Variants in PALLD observed in about 807,000 individuals in gnomAD.
PALLD encodes the protein palladin.
A neutral mutation model predicts 123.5 loss-of-function variants in PALLD; 61 were observed. The observed-to-expected ratio is 0.49, with a 90% confidence interval of 0.40 to 0.61. PALLD has a LOEUF of 0.61. Among genes scored for constraint, PALLD ranks in the 20% least tolerant of loss-of-function variants. PALLD has a pLI of 0.00. For missense variants in PALLD, 1,273 were observed against 1,377.0 expected (o/e 0.92, Z 1.20); for synonymous variants, 465 against 496.4 (o/e 0.94, Z 0.84).
intron 2 of PALLD, among the ~76,000 whole-genome samples, chr4:168,618,790 C>T (rs1774470023): frequency 6.6e-6 from 1 of 152,206 alleles, no homozygotes; most frequent in Non-Finnish European, 1.5e-5. Context: ...AAAATACTGA[C>T]TGCTATCAAA....
chr4:168,710,248 A>G (rs1784704487), intron 9 of PALLD, among the ~76,000 whole-genome samples: 1 of 152,092 alleles, frequency 6.6e-6, no homozygotes, highest in Admixed American at 6.6e-5. Flanking sequence ...ACTTACCACT[A>G]GGGAAGGCAA....
intron 2 of PALLD, among the ~76,000 whole-genome samples, chr4:168,591,390 C>T (rs1771416693): frequency 6.6e-6 from 1 of 152,170 alleles, no homozygotes; most frequent in Non-Finnish European, 1.5e-5. Flanking sequence ...TAAGTGGGTC[C>T]TTATCCTCCC....
intron 8 of PALLD, among the ~76,000 whole-genome samples, chr4:168,705,611 T>G (rs1250498184): frequency 6.6e-6 from 1 of 152,196 alleles, no homozygotes; most frequent in Non-Finnish European, 1.5e-5. Flanking sequence ...CCCATCACAG[T>G]GTTTTACTTA....
At chr4:168,622,698 A>C (rs1774879441) in intron 2 of PALLD, among the ~76,000 whole-genome samples, 1 of 152,184 alleles carries the variant, frequency 6.6e-6, no homozygotes, top group African/African-American at 2.4e-5. Context: ...TTATTACATA[A>C]CCACTTTATG....
intron 6 of PALLD, among the ~76,000 whole-genome samples, chr4:168,685,908 A>G (rs915498378): frequency 6.6e-6 from 1 of 150,868 alleles, no homozygotes; most frequent in Non-Finnish European, 1.5e-5. Flanking sequence ...CTAATTTTCC[A>G]TTTGTCCTGA....
chr4:168,840,114 T>TAA (rs199853082), intron 10 of PALLD, among the ~76,000 whole-genome samples: 3 of 151,886 alleles, frequency 2.0e-5, no homozygotes, highest in African/African-American at 7.3e-5. Context: ...AGATTTTTTT[T>TAA]AAAAAAAATC....
chr4:168,873,660 C>A (rs577147408), intron 10 of PALLD, among the ~76,000 whole-genome samples: 1 of 152,182 alleles, frequency 6.6e-6, no homozygotes, highest in Non-Finnish European at 1.5e-5. Context: ...TTTTAACAAA[C>A]GTTTTTTGTT....
At chr4:168,904,597 T>C (rs1430912605) in intron 15 of PALLD, among the ~76,000 whole-genome samples, 1 of 152,156 alleles carries the variant, frequency 6.6e-6, no homozygotes, top group Non-Finnish European at 1.5e-5. Flanking sequence ...AAAAAGTTAT[T>C]TTGTACCTTA....
intron 2 of PALLD, among the ~76,000 whole-genome samples, chr4:168,515,876 A>G (rs1762942952): frequency 1.3e-5 from 1 of 76,316 alleles, no homozygotes; most frequent in African/African-American, 4.2e-5. Context: ...TAGATTAAAC[A>G]ACAGAGATTG....
chr4:168,618,902 A>G (rs1481092691), intron 2 of PALLD, among the ~76,000 whole-genome samples: 2 of 152,186 alleles, frequency 1.3e-5, no homozygotes, highest in East Asian at 3.9e-4. Flanking sequence ...TTTCTTCCAC[A>G]TGGATCCTCT....
intron 11 of PALLD, among the ~76,000 whole-genome samples, chr4:168,892,926 T>C (rs1019358106): frequency 6.6e-6 from 1 of 152,174 alleles, no homozygotes; most frequent in African/African-American, 2.4e-5. Flanking sequence ...AAATGACAAG[T>C]AAGGTTTCCC....
intron 14 of PALLD, among the ~76,000 whole-genome samples, chr4:168,902,466 T>G (rs1756730338): frequency 6.6e-6 from 1 of 152,152 alleles, no homozygotes; most frequent in Admixed American, 6.5e-5. Flanking sequence ...GTGTTGTTCA[T>G]AACTTAAATC....
At chr4:168,728,479 G>A (rs968079501) in intron 10 of PALLD, among the ~76,000 whole-genome samples, 2 of 152,106 alleles carry the variant, frequency 1.3e-5, no homozygotes, top group African/African-American at 4.8e-5. Flanking sequence ...AAATTGGATT[G>A]TGTTCTTGAT....
rs367844351 is a variant in PALLD, at chr4:168,542,252, C to T, written c.908+29840C>T. ...TCTGGGATCTGTGGTTTTATGGTAA[C>T]TAAAACCGCCACTCATGGCTAGACA... On this transcript the variant is annotated intron_variant, in intron 2 of 21. Transcript: ENST00000505667. 5.3e-5 allele frequency among the ~76,000 whole-genome samples: 8 copies of T among 152,042 alleles called. 1 individual carries two copies. In the East Asian group the frequency reaches 1.4e-3, roughly 26 times the overall value.
chr4:168,809,322 CTTCTTCTTCT>C (rs991427404), intron 10 of PALLD, among the ~76,000 whole-genome samples: 2 of 22,646 alleles, frequency 8.8e-5, no homozygotes, highest in African/African-American at 2.2e-4. Flanking sequence ...ATAAATCCTT[CTTCTTCTTCT>C]TCTTCTTCTT....
At chr4:168,513,216 G>C (rs1762690144) in intron 2 of PALLD, among the ~76,000 whole-genome samples, 1 of 152,126 alleles carries the variant, frequency 6.6e-6, no homozygotes, top group Non-Finnish European at 1.5e-5. Context: ...TGCAAAGAAG[G>C]AAGGCAGAAC....
At chr4:168,658,289 T>TTTTTTG (rs1778795132) in intron 2 of PALLD, among the ~76,000 whole-genome samples, 1 of 148,210 alleles carries the variant, frequency 6.7e-6, no homozygotes, top group African/African-American at 2.5e-5. Context: ...TATTTGGTTT[T>TTTTTTG]TTTTTTTTTT....
At chr4:168,773,445 G>A (rs747559175) in intron 10 of PALLD, among the ~76,000 whole-genome samples, 5 of 152,132 alleles carry the variant, frequency 3.3e-5, no homozygotes, top group Admixed American at 6.5e-5. Context: ...TATAAGTTTA[G>A]AAATTCAGGG....
At chr4:168,504,846 C>T (rs1256809892) in intron 1 of PALLD, 1 of 152,204 alleles carries the variant, frequency 6.6e-6, no homozygotes, top group African/African-American at 2.4e-5. Flanking sequence ...AGTAGAACCA[C>T]TTTAATGGCG....
Sources: allele counts gnomAD v4.1 joint callset (sites outside exome capture counted in the v4.1 genomes callset), GRCh38; gene constraint gnomAD v4.1.1; transcripts MANE v1.5; gene names NCBI Gene and HGNC (gene_info 2026-07-23, HGNC 2026-07-21).